Variants in NUP153 observed in about 807,000 individuals in gnomAD.
NUP153 encodes nuclear pore complex protein Nup153.
NUP153 carries 27 observed loss-of-function variants against 134.6 expected under a neutral mutation model. That is an observed-to-expected ratio of 0.20 (90% confidence interval 0.15 to 0.28). The LOEUF is 0.28. NUP153 is among the 10% of genes least tolerant of loss of function. The pLI is 1.00. For missense variants in NUP153, 1,821 were observed against 1,731.3 expected, an observed-to-expected ratio of 1.05 and a Z score of -0.92; for synonymous variants, 640 against 623.5, an observed-to-expected ratio of 1.03 and a Z score of -0.40.
At chr6:17,702,405 G>A (rs1255373478) in intron 1 of NUP153, among the ~76,000 whole-genome samples, 1 of 152,328 alleles carries the variant, frequency 6.6e-6, no homozygotes, top group Admixed American at 6.5e-5. Flanking sequence ...CTACTCGGGA[G>A]GCTGAGGCAG....
At chr6:17,683,192 T>C (rs762894869) in intron 2 of NUP153, among the ~76,000 whole-genome samples, 6 of 152,156 alleles carry the variant, frequency 3.9e-5, no homozygotes, top group Non-Finnish European at 7.3e-5. Context: ...AAATCACAAA[T>C]GGTTTTTCTC....
intron 5 of NUP153, 116 bp from the exon 6 acceptor site, chr6:17,669,662 A>C (rs1767777217): frequency 1.4e-6 from 1 of 702,206 alleles, no homozygotes; most frequent in Non-Finnish European, 2.5e-6. Context: ...GATTTAATGC[A>C]TTAACAGCAA....
At chr6:17,702,976 G>T (rs1216535137) in intron 1 of NUP153, among the ~76,000 whole-genome samples, 1 of 151,818 alleles carries the variant, frequency 6.6e-6, no homozygotes, top group Non-Finnish European at 1.5e-5. Context: ...TGTGGCGGGT[G>T]GATCACCTGA....
chr6:17,640,767 C>G (rs1479663768), intron 14 of NUP153, among the ~76,000 whole-genome samples: 1 of 151,932 alleles, frequency 6.6e-6, no homozygotes, highest in East Asian at 1.9e-4. Flanking sequence ...CAGGCGCATG[C>G]CACCACATCT....
At chr6:17,656,949 TTCAG>T (rs1298962297) in intron 11 of NUP153, among the ~76,000 whole-genome samples, 2 of 152,304 alleles carry the variant, frequency 1.3e-5, no homozygotes, top group African/African-American at 2.4e-5. Context: ...TCCAGCCAAT[TTCAG>T]TCAGTTTTGT....
At chr6:17,650,528 C>T (rs2113801203) in intron 11 of NUP153, among the ~76,000 whole-genome samples, 1 of 152,190 alleles carries the variant, frequency 6.6e-6, no homozygotes, top group South Asian at 2.1e-4. Flanking sequence ...CCATTGCCAG[C>T]TAAAATAATT....
At chr6:17,649,617 T>C (rs1429748286) in intron 11 of NUP153, among the ~76,000 whole-genome samples, 1 of 152,208 alleles carries the variant, frequency 6.6e-6, no homozygotes, top group African/African-American at 2.4e-5. Context: ...GCCTACCTTA[T>C]CCATGGTTTC....
At position 17,647,813 on chromosome 6, in the gene NUP153, T is replaced by G; in HGVS notation, c.1626A>C (p.Pro542=). Residue 542 remains proline, a synonymous_variant, in exon 13 of 22, where the codon CCA becomes CCC. Coordinates refer to ENST00000262077, the MANE Select transcript of NUP153 (RefSeq NM_005124.4). ...TTCCTTGCTTGTTACTTACAGATGA[T>G]GGAGGTAGTACATTTGCCTCAGTAG... is the stretch of plus-strand genomic sequence containing the variant. The part of the protein sequence containing the change: ...VKSTEANVLP[P]SSIGFTFSVP... The G allele has an allele frequency of 6.4e-7, 1 of 1,569,806 alleles. No individual in the cohort carries two copies. The highest frequency in any genetic ancestry group is 8.8e-7 in the Non-Finnish European group (1 of 1,139,870).
Position 17,624,575 on chromosome 6 carries a change from G to A in NUP153, c.4160C>T (p.Thr1387Ile). The A allele has an allele frequency of 1.2e-6, 2 of 1,614,136 alleles. No homozygotes were observed. The highest frequency in any genetic ancestry group is 1.7e-6 in the Non-Finnish European group (2 of 1,180,008). The change falls in exon 20 of 22, where the codon ACA becomes ATA. Residue 1387 changes from threonine (T) to isoleucine (I), a missense_variant. Transcript: ENST00000262077. ...AGCACACTTACTAGAATTAGGAGTTGTTCCAGAGCCAAATGCAGACTGACT... is the reference window on the plus strand; with the variant it reads ...AGCACACTTACTAGAATTAGGAGTTATTCCAGAGCCAAATGCAGACTGACT... ...QPSQSAFGSGTTPNSSSAFQF... is the reference protein window; with the variant it reads ...QPSQSAFGSGITPNSSSAFQF...
chr6:17,639,525 C>A (rs1432226469), intron 15 of NUP153, among the ~76,000 whole-genome samples: 1 of 152,200 alleles, frequency 6.6e-6, no homozygotes, highest in African/African-American at 2.4e-5. Context: ...CAAGTGAGTA[C>A]TGCTCCCTAT....
Position 17,698,894 on chromosome 6 carries a change from TA to T in NUP153, c.111+7382del, listed in dbSNP as rs764632706. On this transcript the variant is annotated intron_variant, in intron 1 of 21. Coordinates refer to ENST00000262077, the MANE Select transcript of NUP153 (RefSeq NM_005124.4). ...TTAAAAAAAAAAAAAGAAAACTCAA[TA>T]AAAGCTCACAGTAGTTAAACTCACT... Among the ~76,000 whole-genome samples, 46 of 146,854 alleles carry T rather than the reference TA, an allele frequency of 3.1e-4. 1 individual carries two copies. The highest frequency in any genetic ancestry group is 6.6e-4 in the Non-Finnish European group (44 of 66,798).
chr6:17,629,328 T>C lies in NUP153; in HGVS notation c.2871A>G (p.Gly957=). 1 of 1,607,704 alleles carries C rather than the reference T, an allele frequency of 6.2e-7. No homozygotes were observed. Among genetic ancestry groups the C allele is most frequent in the African/African-American group, 1.3e-5 (1 of 74,450 alleles). Residue 957 remains glycine, a synonymous_variant, in exon 18 of 22, where the codon GGA becomes GGG. Coordinates refer to ENST00000262077, the MANE Select transcript of NUP153 (RefSeq NM_005124.4). ...CAGATGAAACTCCAAATTTAAAATC[T>C]CCTATTGGTTTAGAAAATTTAAAGC... ...SEGFKFSKPI[G]DFKFGVSSES...
chr6:17,628,332 A>G lies in NUP153; in HGVS notation c.3544+323T>C, dbSNP rs988601494. Among the ~76,000 whole-genome samples, 15 of 152,168 alleles carry G rather than the reference A, an allele frequency of 9.9e-5. No individual in the cohort carries two copies. The highest frequency in any genetic ancestry group is 3.1e-4 in the African/African-American group (13 of 41,440). On this transcript the variant is annotated intron_variant, in intron 18 of 21. Transcript: ENST00000262077. This position sits in a 1 kb window ranked among gnomAD's most constrained non-coding sequence, Gnocchi z 5.4. ...AATACTTCATAAGCTAAGAATCCTTATTTTCCAGGTAGTAGATACCAATTC... is the reference window on the plus strand; with the variant it reads ...AATACTTCATAAGCTAAGAATCCTTGTTTTCCAGGTAGTAGATACCAATTC...
At chr6:17,697,497 C>G (rs1479554465) in intron 1 of NUP153, among the ~76,000 whole-genome samples, 9 of 152,128 alleles carry the variant, frequency 5.9e-5, no homozygotes, top group Non-Finnish European at 1.2e-4. Context: ...ACAAGCCTGG[C>G]CAACATGGCG....
chr6:17,661,501 G>T, intron 11 of NUP153, 152 bp downstream of exon 11: 1 of 617,686 alleles, frequency 1.6e-6, no homozygotes, highest in South Asian at 4.0e-5. Context: ...ACTAGATTAG[G>T]TTTTCAGCAT....
intron 14 of NUP153, among the ~76,000 whole-genome samples, chr6:17,640,577 AT>A (rs2113788285): frequency 6.6e-6 from 1 of 152,384 alleles, no homozygotes; most frequent in African/African-American, 2.4e-5. Flanking sequence ...CATAAATTAC[AT>A]AACAGTGACA....
At chr6:17,662,690 C>A (rs183013685) in intron 9 of NUP153, among the ~76,000 whole-genome samples, 1 of 152,290 alleles carries the variant, frequency 6.6e-6, no homozygotes, top group East Asian at 1.9e-4. Context: ...AGAATCCTCA[C>A]AGACACCACT....
chr6:17,624,304 T>C (rs1217794277), intron 20 of NUP153, among the ~76,000 whole-genome samples: 2 of 151,954 alleles, frequency 1.3e-5, no homozygotes, highest in Non-Finnish European at 2.9e-5. Flanking sequence ...TGAGAAGAAA[T>C]GAGAGTGAAT....
At chr6:17,637,851 G>A (rs986773283) in intron 15 of NUP153, 81 bp from the exon 16 acceptor site, 5 of 1,429,136 alleles carry the variant, frequency 3.5e-6, no homozygotes, top group Non-Finnish European at 3.7e-6. Flanking sequence ...TTACTGAGAA[G>A]ACGTTTACCT....
Sources: gnomAD v4.1 joint callset for allele counts (sites outside exome capture counted in the v4.1 genomes callset) on GRCh38, gnomAD v4.1.1 for gene constraint, Gnocchi (gnomAD v3.1) non-coding constraint, MANE v1.5 for transcripts, NCBI Gene and HGNC (gene_info 2026-07-23, HGNC 2026-07-21) for gene names.